SORCS1: variants seen among roughly 807,000 people sequenced by gnomAD.
SORCS1 encodes the protein VPS10 domain-containing receptor SorCS1.
In SORCS1, 60 loss-of-function variants were observed where a neutral mutation model predicts 146.1. The observed-to-expected ratio is 0.41, with a 90% confidence interval of 0.33 to 0.51. The LOEUF (loss-of-function observed/expected upper bound fraction) is 0.51. SORCS1 is among the 20% of genes least tolerant of loss of function. The pLI is 0.21. For synonymous variants in SORCS1, 637 were observed against 584.0 expected, an observed-to-expected ratio of 1.09 and a Z score of -1.31; for missense variants, 1,352 against 1,487.6, an observed-to-expected ratio of 0.91 and a Z score of 1.50.
At chr10:107,009,118 C>CA (rs1262216401) in intron 1 of SORCS1, among the ~76,000 whole-genome samples, 3 of 151,624 alleles carry the variant, frequency 2.0e-5, no homozygotes, top group Non-Finnish European at 4.4e-5. Flanking sequence ...CACGTCGATG[C>CA]AAAAAAAATT....
At chr10:106,938,442 T>C (rs986685991) in intron 2 of SORCS1, among the ~76,000 whole-genome samples, 3 of 152,160 alleles carry the variant, frequency 2.0e-5, no homozygotes, top group African/African-American at 7.2e-5. Flanking sequence ...AGAGCAGAAG[T>C]GGCAAATTGA....
At chr10:106,924,164 T>G (rs10786984) in intron 2 of SORCS1, among the ~76,000 whole-genome samples, 78,815 of 150,808 alleles carry the variant, frequency 0.52, 22,109 homozygotes, top group Non-Finnish European at 0.63. Flanking sequence ...TGAGACAGGA[T>G]AATCGCTTGA....
intron 23 of SORCS1, among the ~76,000 whole-genome samples, chr10:106,598,516 T>C (rs1394171920): frequency 1.3e-5 from 2 of 151,910 alleles, no homozygotes; most frequent in African/African-American, 4.8e-5. Flanking sequence ...CGCCTCAGCC[T>C]CCCGAAGTGC....
At chr10:106,977,226 C>G (rs1956066502) in intron 1 of SORCS1, among the ~76,000 whole-genome samples, 1 of 152,140 alleles carries the variant, frequency 6.6e-6, no homozygotes, top group African/African-American at 2.4e-5. Context: ...TTAATAATCG[C>G]CATTCTAACT....
intron 2 of SORCS1, among the ~76,000 whole-genome samples, chr10:106,907,105 G>A (rs1951941799): frequency 1.3e-5 from 2 of 152,192 alleles, no homozygotes; most frequent in Non-Finnish European, 2.9e-5. Flanking sequence ...CATATTTAGT[G>A]CAACTGTTCT....
intron 1 of SORCS1, among the ~76,000 whole-genome samples, chr10:107,056,568 T>G (rs1191226289): frequency 1.3e-5 from 2 of 152,230 alleles, no homozygotes; most frequent in Non-Finnish European, 2.9e-5. Context: ...AGAGGAAAAC[T>G]ATCTCTTATC....
At chr10:106,825,178 C>T (rs748781008) in intron 3 of SORCS1, among the ~76,000 whole-genome samples, 24 of 151,560 alleles carry the variant, frequency 1.6e-4, no homozygotes, top group Admixed American at 1.6e-3. Flanking sequence ...AAAGGTATGG[C>T]TGATAAAGAC....
intron 3 of SORCS1, among the ~76,000 whole-genome samples, chr10:106,784,868 A>G (rs1293330754): frequency 6.6e-6 from 1 of 152,226 alleles, no homozygotes; most frequent in African/African-American, 2.4e-5. Context: ...AGTGAGGGAA[A>G]TCCATTTTTG....
intron 1 of SORCS1, among the ~76,000 whole-genome samples, chr10:107,074,795 T>C (rs1042087278): frequency 1.3e-5 from 2 of 152,154 alleles, no homozygotes; most frequent in Non-Finnish European, 2.9e-5. Context: ...CCTAATGAAA[T>C]ACGATGTGCA....
At chr10:106,606,647 C>G (rs1312224192) in intron 23 of SORCS1, among the ~76,000 whole-genome samples, 1 of 152,078 alleles carries the variant, frequency 6.6e-6, no homozygotes, top group Non-Finnish European at 1.5e-5. Context: ...ATAATTTAGC[C>G]GTTCCCTGCT....
chr10:106,979,236 C>T (rs1022924778), intron 1 of SORCS1, among the ~76,000 whole-genome samples: 3 of 152,028 alleles, frequency 2.0e-5, no homozygotes, highest in African/African-American at 7.3e-5. Context: ...ATAAAGGCAC[C>T]TTTGACAGGC....
chr10:106,766,249 C>T (rs1564946933), intron 4 of SORCS1, among the ~76,000 whole-genome samples: 1 of 152,188 alleles, frequency 6.6e-6, no homozygotes, highest in Non-Finnish European at 1.5e-5. Context: ...AAAAGGCTGA[C>T]AGAAAATCCT....
At chr10:106,860,708 C>T (rs764596028) in intron 2 of SORCS1, among the ~76,000 whole-genome samples, 15 of 152,274 alleles carry the variant, frequency 9.9e-5, no homozygotes, top group Middle Eastern at 3.4e-3. Flanking sequence ...GGGTACTATT[C>T]GTAGAATGAT....
At chr10:107,070,100 CTTCT>C (rs1962287562) in intron 1 of SORCS1, among the ~76,000 whole-genome samples, 1 of 152,216 alleles carries the variant, frequency 6.6e-6, no homozygotes, top group African/African-American at 2.4e-5. Flanking sequence ...TCGTGCCTGA[CTTCT>C]TTCACTTAGC....
chr10:106,665,995 C>A (rs1034552466), intron 17 of SORCS1, among the ~76,000 whole-genome samples: 4 of 152,090 alleles, frequency 2.6e-5, no homozygotes, highest in African/African-American at 9.7e-5. Flanking sequence ...CACCCACCAC[C>A]ACACCTGGCT....
Position 106,822,328 on chromosome 10 carries a change from T to C in SORCS1, c.726+7246A>G, listed in dbSNP as rs143450592. ...GGTCAGTGTACAGAGAGGAGTGTCT[T>C]AGATCAGTGTTGTTTTTCTCTATGT... On this transcript the variant is annotated intron_variant, in intron 3 of 25. Transcript: ENST00000263054. Among the ~76,000 whole-genome samples, 5 of 152,304 alleles carry C rather than the reference T, an allele frequency of 3.3e-5. No individual in the cohort carries two copies. The East Asian group carries it at 9.7e-4, about 29-fold the overall frequency.
chr10:107,036,181 A>G (rs1219679124), intron 1 of SORCS1, among the ~76,000 whole-genome samples: 1 of 150,092 alleles, frequency 6.7e-6, no homozygotes, highest in African/African-American at 2.5e-5. Context: ...TTGAGTTATT[A>G]GATCCTTTCA....
chr10:107,130,250 TA>T (rs971073322), intron 1 of SORCS1, among the ~76,000 whole-genome samples: 2 of 151,862 alleles, frequency 1.3e-5, no homozygotes, highest in African/African-American at 2.4e-5. Flanking sequence ...GAGGAAAATT[TA>T]AAAAAAATAG....
intron 4 of SORCS1, among the ~76,000 whole-genome samples, chr10:106,765,840 C>A (rs1005679905): frequency 6.6e-6 from 1 of 151,948 alleles, no homozygotes; most frequent in Non-Finnish European, 1.5e-5. Context: ...CCTAGAAAGT[C>A]TTTTCAATAT....
Sources: allele counts gnomAD v4.1 joint callset (sites outside exome capture counted in the v4.1 genomes callset), GRCh38; gene constraint gnomAD v4.1.1; transcripts MANE v1.5; gene names NCBI Gene and HGNC (gene_info 2026-07-23, HGNC 2026-07-21).